SPEF2: variants seen among roughly 807,000 people sequenced by gnomAD.
The protein encoded by SPEF2 is sperm flagellar and cilia associated 2.
Under a neutral mutation model 224.6 loss-of-function variants are expected in SPEF2, and 187 were observed. That is an observed-to-expected ratio of 0.83 (90% CI 0.74 to 0.94). SPEF2 has a LOEUF of 0.94. Ranked by LOEUF, SPEF2 falls within the 40% of genes least tolerant of loss-of-function variation. The pLI, the probability that SPEF2 is intolerant of heterozygous loss-of-function variation, is 0.00. For missense variants in SPEF2, 2,170 were observed against 2,135.6 expected, an observed-to-expected ratio of 1.02 and a Z score of -0.32; for synonymous variants, 715 against 707.3, an observed-to-expected ratio of 1.01 and a Z score of -0.17.
At chr5:35,728,805 A>T (rs1034950116) in intron 21 of SPEF2, among the ~76,000 whole-genome samples, 7 of 152,104 alleles carry the variant, frequency 4.6e-5, no homozygotes, top group Admixed American at 6.5e-5. Flanking sequence ...GCATTAAGTG[A>T]TATAATTATG....
chr5:35,693,122 A>G (rs763554635), intron 12 of SPEF2, among the ~76,000 whole-genome samples: 1 of 152,002 alleles, frequency 6.6e-6, no homozygotes, highest in African/African-American at 2.4e-5. Context: ...AGGGTGGCAT[A>G]TGATTGTTTT....
chr5:35,796,812 A>G (rs1756736532), intron 33 of SPEF2, among the ~76,000 whole-genome samples: 1 of 152,196 alleles, frequency 6.6e-6, no homozygotes, highest in Non-Finnish European at 1.5e-5. Flanking sequence ...AATTGGATGC[A>G]TATTTTTTGA....
intron 32 of SPEF2, 90 bp downstream of exon 32, chr5:35,793,431 C>T (rs746660593): frequency 7.6e-7 from 1 of 1,319,844 alleles, no homozygotes; most frequent in Non-Finnish European, 1.0e-6. Context: ...TGACAGGTCT[C>T]AGGCCAGTGC....
intron 33 of SPEF2, among the ~76,000 whole-genome samples, chr5:35,798,394 C>T (rs1756972080): frequency 6.6e-6 from 1 of 152,168 alleles, no homozygotes; most frequent in Non-Finnish European, 1.5e-5. Flanking sequence ...CTGCCCCGAC[C>T]TTGGGAGTTC....
chr5:35,694,182 A>C, intron 12 of SPEF2, 106 bp from the exon 13 acceptor site: 1 of 801,580 alleles, frequency 1.2e-6, no homozygotes, highest in Non-Finnish European at 2.0e-6. Flanking sequence ...ATAGACAAAA[A>C]GTATTGTATT....
rs376197718 is a variant in SPEF2 at position 35,645,103 on chromosome 5, CT to C, written c.585+581del. Among the ~76,000 whole-genome samples the C allele has an allele frequency of 7.0e-3, 1,067 of 152,210 alleles. 15 individuals carry two copies. Among genetic ancestry groups the C allele is most frequent in the African/African-American group, 0.025 (1,033 of 41,532 alleles). ...AAAACTCTTTAATGATCTTCTGTGC[CT>C]TTGTGGGTGAGAGAATAATGGTACA... On this transcript the variant is annotated intron_variant, in intron 4 of 36. Transcript: ENST00000356031.
chr5:35,630,744 C>T (rs1301710301), intron 2 of SPEF2, among the ~76,000 whole-genome samples: 1 of 152,058 alleles, frequency 6.6e-6, no homozygotes, highest in African/African-American at 2.4e-5. Context: ...CCTAAATCGT[C>T]TCTCTCTCAG....
At chr5:35,677,490 G>C (rs1752192009) in intron 10 of SPEF2, among the ~76,000 whole-genome samples, 1 of 152,162 alleles carries the variant, frequency 6.6e-6, no homozygotes. Context: ...GCAATGCAGT[G>C]ACCTTAGAGT....
intron 33 of SPEF2, 100 bp downstream of exon 33, chr5:35,795,895 C>A: frequency 2.1e-6 from 2 of 955,796 alleles, no homozygotes; most frequent in Non-Finnish European, 1.6e-6. Flanking sequence ...TGCACCCCTG[C>A]CCCTCAATTC....
At chr5:35,670,383 T>C in intron 10 of SPEF2, 156 bp downstream of exon 10, 1 of 1,380,404 alleles carries the variant, frequency 7.2e-7, no homozygotes, top group Non-Finnish European at 9.3e-7. Context: ...GTACTACTTT[T>C]TAGATGCTTA....
chr5:35,659,267 C>T (rs866135599), intron 8 of SPEF2, 60 bp downstream of exon 8: 12 of 1,464,328 alleles, frequency 8.2e-6, no homozygotes, highest in Non-Finnish European at 1.0e-5. Context: ...TCTACCAAGT[C>T]GTGGTAAACA....
chr5:35,781,203 G>T (rs1329092276), intron 30 of SPEF2: 1 of 151,816 alleles, frequency 6.6e-6, no homozygotes. Flanking sequence ...TTTGCCCTAG[G>T]AGCTGAGAGT....
Position 35,771,728 on chromosome 5 carries a change from GA to G in SPEF2, c.3927del (p.Lys1309AsnfsTer21), listed in dbSNP as rs763619800. 1.3e-6 allele frequency: 2 copies of G among 1,592,840 alleles called. No individual in the cohort carries two copies. Among genetic ancestry groups the G allele is most frequent in the Admixed American group, 3.7e-5 (2 of 53,824 alleles). ...AAAAAGTCAAAAAGGAGCCACCCAA[GA>G]AAAAACAGGAAGACAAAAAACCCAA... Reference protein sequence around the residue: ...NKKVKKEPPKKKQEDKKPKGK... With the variant: ...NKKVKKEPPKXKQEDKKPKGK... On this transcript the variant is annotated frameshift_variant, in exon 27 of 37. Transcript: ENST00000356031. LOFTEE classifies it high-confidence loss of function.
intron 5 of SPEF2, among the ~76,000 whole-genome samples, 190 bp from the exon 6 acceptor site, chr5:35,649,171 T>C (rs1335445999): frequency 6.6e-6 from 1 of 152,134 alleles, no homozygotes; most frequent in Non-Finnish European, 1.5e-5. Flanking sequence ...CACATTCTTT[T>C]AGGTATAGTT....
chr5:35,768,079 G>A (rs768202288), intron 26 of SPEF2, among the ~76,000 whole-genome samples: 66 of 151,972 alleles, frequency 4.3e-4, no homozygotes, highest in Middle Eastern at 6.8e-3. Context: ...TTTGTTAGTT[G>A]TTAGTCTGAA....
At chr5:35,640,022 G>A (rs905961228) in intron 2 of SPEF2, among the ~76,000 whole-genome samples, 1 of 152,108 alleles carries the variant, frequency 6.6e-6, no homozygotes, top group Non-Finnish European at 1.5e-5. Context: ...AGTATTGTTA[G>A]ACCTGTGTAC....
At position 35,670,080 on chromosome 5, in the gene SPEF2, G is replaced by A. The variant is rs1313724100; in HGVS notation, c.1377G>A (p.Met459Ile). Residue 459 changes from methionine to isoleucine, a missense_variant, in exon 10 of 37, where the codon ATG (methionine) becomes ATA (isoleucine). Transcript: ENST00000356031. Reference sequence around the variant, plus strand: ...ATAGTCTGATTCCGTATAAGTTGATGCATGATTGGAAGGAACTATTTTTTA... The same window carrying A: ...ATAGTCTGATTCCGTATAAGTTGATACATGATTGGAAGGAACTATTTTTTA... The part of the protein sequence containing the change: ...LTNNLIPYKL[M>I]HDWKELFFNA... The A allele has an allele frequency of 2.5e-6, 4 of 1,606,552 alleles. No individual in the cohort carries two copies. In the South Asian group the frequency reaches 4.5e-5, roughly 18 times the overall value.
chr5:35,814,608 G>A lies in SPEF2; in HGVS notation c.*55G>A. 2.6e-6 allele frequency: 3 copies of A among 1,142,868 alleles called. No homozygotes were observed. Among genetic ancestry groups the A allele is most frequent in the African/African-American group, 1.5e-5 (1 of 64,690 alleles). The allele number at this position is 1,142,868 out of a possible 1,614,324, so 70.8% of individuals were successfully genotyped here. On this transcript the variant is annotated 3_prime_UTR_variant, in exon 37 of 37. Transcript: ENST00000356031. The stretch of plus-strand genomic sequence containing the variant: ...GCAATAAATCTTCCAAAAATTAAAT[G>A]TGACCATGGTGTTTGTCATATATGT...
intron 21 of SPEF2, among the ~76,000 whole-genome samples, chr5:35,739,468 C>T (rs554823436): frequency 1.3e-5 from 2 of 152,132 alleles, no homozygotes; most frequent in South Asian, 4.1e-4. Context: ...GTGCAAGCTC[C>T]GCCTCCCAGG....
Sources: allele counts gnomAD v4.1 joint callset (sites outside exome capture counted in the v4.1 genomes callset), GRCh38; gene constraint gnomAD v4.1.1; transcripts MANE v1.5; gene names NCBI Gene and HGNC (gene_info 2026-07-23, HGNC 2026-07-21).